EFNA5: variants seen among roughly 807,000 people sequenced by gnomAD.
The protein encoded by EFNA5 is ephrin A5.
In EFNA5, 5 loss-of-function variants were observed where a neutral mutation model predicts 22.9. The observed-to-expected ratio is 0.22, with a 90% CI of 0.11 to 0.46. EFNA5 has a LOEUF of 0.46. EFNA5 is among the 20% of genes least tolerant of loss of function. EFNA5 has a pLI of 0.99. For missense variants in EFNA5, 237 were observed against 293.3 expected (o/e 0.81, Z 1.40); for synonymous variants, 113 against 112.2 (o/e 1.01, Z -0.04).
chr5:107,509,314 T>G (rs1466124764), intron 1 of EFNA5, among the ~76,000 whole-genome samples: 2 of 151,050 alleles, frequency 1.3e-5, no homozygotes, highest in African/African-American at 4.9e-5. Context: ...TCTTTTTCTT[T>G]TCCTTTTTTT....
chr5:107,466,632 T>C (rs1749992400), intron 1 of EFNA5, among the ~76,000 whole-genome samples: 1 of 152,154 alleles, frequency 6.6e-6, no homozygotes, highest in Non-Finnish European at 1.5e-5. Context: ...TCACTTTCTG[T>C]CACAGTTAAT....
chr5:107,552,722 C>T (rs1748325525), intron 1 of EFNA5, among the ~76,000 whole-genome samples: 1 of 152,116 alleles, frequency 6.6e-6, no homozygotes, highest in Non-Finnish European at 1.5e-5. Flanking sequence ...TTTACAAAGC[C>T]AAGGGAATGA....
intron 2 of EFNA5, among the ~76,000 whole-genome samples, chr5:107,426,507 T>C (rs1417590987): frequency 2.0e-5 from 3 of 152,142 alleles, no homozygotes; most frequent in Non-Finnish European, 4.4e-5. Flanking sequence ...CTATAACATA[T>C]GATAGTAGGA....
intron 2 of EFNA5, among the ~76,000 whole-genome samples, chr5:107,406,638 C>T (rs1453649401): frequency 1.3e-5 from 2 of 152,084 alleles, no homozygotes; most frequent in East Asian, 3.9e-4. Context: ...ATTCTTCTTA[C>T]TTTACTTTTC....
At chr5:107,596,892 T>C (rs116142438) in intron 1 of EFNA5, among the ~76,000 whole-genome samples, 222 of 152,222 alleles carry the variant, frequency 1.5e-3, no homozygotes, top group African/African-American at 5.2e-3. Flanking sequence ...GGCACTTCAC[T>C]AGACAAAACA....
chr5:107,572,335 C>T (rs1748831819), intron 1 of EFNA5, among the ~76,000 whole-genome samples: 1 of 152,148 alleles, frequency 6.6e-6, no homozygotes, highest in South Asian at 2.1e-4. Flanking sequence ...GCAAAGGGTG[C>T]CGTCACAGCA....
chr5:107,603,843 T>C lies in EFNA5; in HGVS notation c.125+66646A>G, dbSNP rs368149400. ...AGTGATAGCAGAAATTTACTTTATATGTATAGCTTTACAGAACGGCAATGT... is the reference window on the plus strand; with the variant it reads ...AGTGATAGCAGAAATTTACTTTATACGTATAGCTTTACAGAACGGCAATGT... On this transcript the variant is annotated intron_variant, in intron 1 of 4. Transcript: ENST00000333274. Among the ~76,000 whole-genome samples, 7 of 152,342 alleles carry C rather than the reference T, an allele frequency of 4.6e-5. No homozygotes were observed. The South Asian group carries it at 8.3e-4, about 18-fold the overall frequency.
chr5:107,520,557 T>C (rs181387695), intron 1 of EFNA5, among the ~76,000 whole-genome samples: 1 of 152,336 alleles, frequency 6.6e-6, no homozygotes, highest in Non-Finnish European at 1.5e-5. Context: ...AAATTAACTA[T>C]TCTGTCTTTC....
At chr5:107,398,442 G>C (rs59863014) in intron 2 of EFNA5, among the ~76,000 whole-genome samples, 26,074 of 152,064 alleles carry the variant, frequency 0.17, 2,490 homozygotes, top group East Asian at 0.31. Flanking sequence ...CCCAAAGGCA[G>C]GAGCCATGCC....
intron 1 of EFNA5, among the ~76,000 whole-genome samples, chr5:107,553,259 T>C (rs1266255900): frequency 2.0e-5 from 3 of 152,212 alleles, no homozygotes; most frequent in African/African-American, 7.2e-5. Context: ...GAGCACTCAC[T>C]GCCTGCTCTG....
chr5:107,526,928 T>C (rs2112448254), intron 1 of EFNA5, among the ~76,000 whole-genome samples: 1 of 152,296 alleles, frequency 6.6e-6, no homozygotes, highest in East Asian at 1.9e-4. Flanking sequence ...AAATAGGGCC[T>C]TCACCTATGC....
chr5:107,549,416 C>T (rs973655662), intron 1 of EFNA5, among the ~76,000 whole-genome samples: 1 of 152,204 alleles, frequency 6.6e-6, no homozygotes, highest in Non-Finnish European at 1.5e-5. Context: ...CCTCATTTTA[C>T]AGGTAAGGAA....
intron 1 of EFNA5, among the ~76,000 whole-genome samples, chr5:107,438,017 A>G (rs989629223): frequency 2.6e-5 from 4 of 152,210 alleles, no homozygotes; most frequent in Non-Finnish European, 4.4e-5. Context: ...GTAATTAAAC[A>G]CTGGAAAGTG....
intron 1 of EFNA5, among the ~76,000 whole-genome samples, chr5:107,463,073 T>C (rs1174554464): frequency 6.6e-6 from 1 of 152,094 alleles, no homozygotes; most frequent in Non-Finnish European, 1.5e-5. Context: ...GTAGCTGAGA[T>C]TAGATAGAGA....
At chr5:107,516,802 A>G (rs999503445) in intron 1 of EFNA5, among the ~76,000 whole-genome samples, 5 of 152,204 alleles carry the variant, frequency 3.3e-5, no homozygotes, top group Non-Finnish European at 5.9e-5. Flanking sequence ...CATTTCAGTG[A>G]TGTCTGAAAA....
Position 107,390,581 on chromosome 5 carries a change from T to G in EFNA5, c.419-2810A>C, listed in dbSNP as rs771612769. Among the ~76,000 whole-genome samples the G allele has an allele frequency of 5.2e-4, 79 of 152,192 alleles. 1 individual carries two copies. Among genetic ancestry groups the G allele is most frequent in the Middle Eastern group, 3.4e-3 (1 of 294 alleles). On this transcript the variant is annotated intron_variant, in intron 2 of 4. Transcript: ENST00000333274. ...GTAAAATCTTAAAACATGCCTCGTT[T>G]TTGTCAGGAGGTAGGTAGTATTAAT...
In EFNA5 at chr5:107,490,389, C is replaced by A. The variant is rs540301399; in HGVS notation, c.126-62880G>T. 3.3e-5 allele frequency among the ~76,000 whole-genome samples: 5 copies of A among 152,308 alleles called. 1 individual carries two copies. In the South Asian group the frequency reaches 1.0e-3, roughly 32 times the overall value. On this transcript the variant is annotated intron_variant, in intron 1 of 4. Transcript: ENST00000333274. ...GAGACTACAGGTGCACGTTACCATG[C>A]CCAGCTATTGCTTTTAACACATCCC...
intron 1 of EFNA5, 69 bp downstream of exon 1, chr5:107,670,420 C>T: frequency 6.7e-7 from 1 of 1,484,522 alleles, no homozygotes; most frequent in South Asian, 1.3e-5. Flanking sequence ...GCGCCGATCC[C>T]CGCCGCCGCT....
At chr5:107,596,075 G>C (rs1279434350) in intron 1 of EFNA5, among the ~76,000 whole-genome samples, 3 of 152,048 alleles carry the variant, frequency 2.0e-5, no homozygotes, top group African/African-American at 7.2e-5. Context: ...AAGCAGTACA[G>C]CTAACATTTT....
Sources: allele counts gnomAD v4.1 joint callset (sites outside exome capture counted in the v4.1 genomes callset), GRCh38; gene constraint gnomAD v4.1.1; transcripts MANE v1.5; gene names NCBI Gene and HGNC (gene_info 2026-07-23, HGNC 2026-07-21).